Variants in VAC14 observed in about 807,000 individuals in gnomAD.
VAC14 encodes the protein VAC14 component of PIKFYVE complex, also known as protein VAC14 homolog.
Under a neutral mutation model 85.3 loss-of-function variants are expected in VAC14, and 47 were observed. The observed-to-expected ratio is 0.55, with a 90% CI of 0.44 to 0.70. VAC14 has a LOEUF of 0.70. Among genes scored for constraint, VAC14 ranks in the 30% least tolerant of loss-of-function variants. The pLI, the probability that VAC14 is intolerant of heterozygous loss-of-function variation, is 0.00. For synonymous variants in VAC14, 447 were observed against 430.5 expected, an observed-to-expected ratio of 1.04 and a Z score of -0.47; for missense variants, 861 against 1,004.3, an observed-to-expected ratio of 0.86 and a Z score of 1.93.
intron 13 of VAC14, among the ~76,000 whole-genome samples, chr16:70,738,317 G>A (rs1035417486): frequency 6.6e-6 from 1 of 152,226 alleles, no homozygotes; most frequent in African/African-American, 2.4e-5. Flanking sequence ...CACTCAAGGG[G>A]CAATCACTTT....
intron 12 of VAC14, among the ~76,000 whole-genome samples, chr16:70,753,519 C>T (rs891778484): frequency 3.3e-5 from 5 of 152,180 alleles, no homozygotes; most frequent in African/African-American, 7.2e-5. Flanking sequence ...TTGGCTGCCT[C>T]GCCTAGGGCT....
intron 12 of VAC14, among the ~76,000 whole-genome samples, chr16:70,748,443 G>A (rs1478804360): frequency 2.6e-5 from 4 of 152,248 alleles, no homozygotes; most frequent in African/African-American, 4.8e-5. Flanking sequence ...GGAAGTAGTT[G>A]AGCATGAGTT....
At position 70,746,917 on chromosome 16, in the gene VAC14, G is replaced by A. The variant is rs941339448; in HGVS notation, c.1372-2338C>T. The A allele has an allele frequency of 3.9e-5, 6 of 152,188 alleles. No individual in the cohort carries two copies. The East Asian group carries it at 1.2e-3, about 29-fold the overall frequency. The allele number at this position is 152,188 out of a possible 1,614,324, so 9.4% of individuals were successfully genotyped here. On this transcript the variant is annotated intron_variant, in intron 12 of 18. Transcript: ENST00000261776. ...CATCCAAAATTAAACAGTGAGGCAAGAGTCAAGCCAACAGCTCCTCAAACA... is the reference window on the plus strand; with the variant it reads ...CATCCAAAATTAAACAGTGAGGCAAAAGTCAAGCCAACAGCTCCTCAAACA...
chr16:70,697,103 G>T (rs766186808), intron 16 of VAC14, 36 bp downstream of exon 16: 4 of 1,580,386 alleles, frequency 2.5e-6, no homozygotes, highest in Non-Finnish European at 3.5e-6. Context: ...CTGCCCCTCA[G>T]AGGCTCAACC....
At position 70,780,797 on chromosome 16, in the gene VAC14, T is replaced by C. The variant is rs768342245; in HGVS notation, c.1089A>G (p.Thr363=). 6 of 1,600,956 alleles carry C rather than the reference T, an allele frequency of 3.7e-6. No homozygotes were observed. The highest frequency in any genetic ancestry group is 5.1e-6 in the Non-Finnish European group (6 of 1,172,128). ...PDDALPKQEG[T]ASGGPDGSCD... ...GGGACGGAGTCCACTCACCACTGGC[T>C]GTGCCCTCCTGCTTTGGCAGGGCAT... The change falls in exon 9 of 19, where the codon ACA becomes ACG. Residue 363 remains threonine (T), a synonymous_variant. Coordinates refer to ENST00000261776, the MANE Select transcript of VAC14 (RefSeq NM_018052.5).
intron 17 of VAC14, among the ~76,000 whole-genome samples, chr16:70,693,902 T>A (rs2053651391): frequency 6.6e-6 from 1 of 152,172 alleles, no homozygotes; most frequent in African/African-American, 2.4e-5. Context: ...CACCAGGCCT[T>A]AGGGCCAGGG....
At chr16:70,777,988 C>T (rs1423040057) in intron 9 of VAC14, among the ~76,000 whole-genome samples, 2 of 152,140 alleles carry the variant, frequency 1.3e-5, no homozygotes, top group African/African-American at 4.8e-5. Flanking sequence ...TAGTTAGTTA[C>T]AAGCTAAGCA....
chr16:70,687,873 C>T lies in VAC14; in HGVS notation c.*55G>A, dbSNP rs919210388. 24 of 1,405,898 alleles carry T rather than the reference C, an allele frequency of 1.7e-5. No homozygotes were observed. Among genetic ancestry groups the T allele is most frequent in the African/African-American group, 1.6e-4 (11 of 67,698 alleles). 87.1% of individuals were successfully genotyped at this position (1,405,898 alleles called of 1,614,324 possible). A position where few individuals can be genotyped will look rare whatever the true frequency, so the allele number is the denominator to read the frequency against. ...CCTTGAGCTCCTCGGGAGGGCGTGA[C>T]GACCCTTAGTGTTTCATGGGACCAC... is the stretch of plus-strand genomic sequence containing the variant. On this transcript the variant is annotated 3_prime_UTR_variant, in exon 19 of 19. Transcript: ENST00000261776.
intron 13 of VAC14, among the ~76,000 whole-genome samples, chr16:70,735,671 T>A (rs974264512): frequency 1.3e-5 from 2 of 152,270 alleles, no homozygotes; most frequent in Non-Finnish European, 2.9e-5. Flanking sequence ...AACTGTAGCA[T>A]CCTCAATCCC....
At chr16:70,757,409 G>T (rs1313615630) in intron 12 of VAC14, among the ~76,000 whole-genome samples, 1 of 152,232 alleles carries the variant, frequency 6.6e-6, no homozygotes, top group East Asian at 1.9e-4. Context: ...CTAATGAGTA[G>T]AGCTCATGCT....
chr16:70,723,347 G>T (rs1393895151), intron 14 of VAC14, among the ~76,000 whole-genome samples: 5 of 152,126 alleles, frequency 3.3e-5, no homozygotes, highest in Non-Finnish European at 5.9e-5. Context: ...AGAGGCTGAG[G>T]CAGGAGGTCA....
At chr16:70,760,962 GGTGTGTGTGTGTGTGT>G (rs10671938) in intron 12 of VAC14, among the ~76,000 whole-genome samples, 119 of 47,620 alleles carry the variant, frequency 2.5e-3, no homozygotes, top group South Asian at 3.5e-3. Flanking sequence ...ACGAAGAGAG[GGTGTGTGTGTGTGTGT>G]GTGTGTGTGT....
At chr16:70,697,073 A>AG in intron 16 of VAC14, 66 bp downstream of exon 16, 1 of 1,367,252 alleles carries the variant, frequency 7.3e-7, no homozygotes, top group Non-Finnish European at 1.0e-6. Flanking sequence ...TTGGGTGGAA[A>AG]GGGGGCAGCC....
chr16:70,775,034 G>A (rs2033450718), intron 9 of VAC14, among the ~76,000 whole-genome samples: 1 of 152,098 alleles, frequency 6.6e-6, no homozygotes, highest in Non-Finnish European at 1.5e-5. Flanking sequence ...TTACAGGCGT[G>A]AGCCACCATG....
intron 17 of VAC14, among the ~76,000 whole-genome samples, chr16:70,694,124 C>T (rs948244881): frequency 1.6e-4 from 25 of 152,324 alleles, no homozygotes; most frequent in Non-Finnish European, 2.8e-4. Flanking sequence ...CGGTGTTGGG[C>T]GAGACCAGGG....
At chr16:70,746,278 G>A (rs2030882378) in intron 12 of VAC14, among the ~76,000 whole-genome samples, 1 of 152,118 alleles carries the variant, frequency 6.6e-6, no homozygotes. Flanking sequence ...GCCTCATCCA[G>A]GCAGGAGCTG....
At chr16:70,688,730 C>T (rs1312753991) in intron 18 of VAC14, 1 of 985,560 alleles carries the variant, frequency 1.0e-6, no homozygotes, top group Non-Finnish European at 1.2e-6. Flanking sequence ...TTGTGCACTG[C>T]ACAGCTAGTG....
At chr16:70,690,143 T>A (rs923657760) in intron 18 of VAC14, 1 of 984,494 alleles carries the variant, frequency 1.0e-6, no homozygotes, top group Non-Finnish European at 1.2e-6. Context: ...TTGGTCGGGG[T>A]GGGAAGAGTG....
At chr16:70,701,133 G>C (rs948964044) in intron 14 of VAC14, among the ~76,000 whole-genome samples, 8 of 152,156 alleles carry the variant, frequency 5.3e-5, no homozygotes, top group African/African-American at 1.9e-4. Flanking sequence ...ACCCTCTCCT[G>C]GTTTTCCTCC....
Sources: allele counts gnomAD v4.1 joint callset (sites outside exome capture counted in the v4.1 genomes callset), GRCh38; gene constraint gnomAD v4.1.1; transcripts MANE v1.5; gene names NCBI Gene and HGNC (gene_info 2026-07-23, HGNC 2026-07-21).